The following PIK3CB variants were observed in gnomAD, a reference collection of about 807,000 sequenced individuals.
The protein encoded by PIK3CB is phosphatidylinositol-4,5-bisphosphate 3-kinase catalytic subunit beta, also known as phosphatidylinositol 4,5-bisphosphate 3-kinase catalytic subunit beta isoform.
PIK3CB carries 39 observed loss-of-function variants against 136.8 expected under a neutral mutation model. That is an observed-to-expected ratio of 0.29 (90% CI 0.22 to 0.37). PIK3CB has a LOEUF of 0.37. Among genes scored for constraint, PIK3CB ranks in the 10% least tolerant of loss-of-function variants. The pLI, the probability that PIK3CB is intolerant of heterozygous loss-of-function variation, is 1.00. For synonymous variants in PIK3CB, 428 were observed against 436.6 expected (o/e 0.98, Z 0.25); for missense variants, 868 against 1,275.4 (o/e 0.68, Z 4.87).
rs148664555 is a variant in PIK3CB at position 138,822,121 on chromosome 3, G to A, written c.-122+12574C>T. On this transcript the variant is annotated intron_variant, in intron 1 of 23. Coordinates refer to ENST00000674063, the MANE Select transcript of PIK3CB (RefSeq NM_006219.3). ...CCACTGCACTCCAGCCTGGGTGACA[G>A]AGCAAGACCCTGTCTCCAGAAAAAA... 2.0e-4 allele frequency among the ~76,000 whole-genome samples: 31 copies of A among 151,490 alleles called. No homozygotes were observed. In the East Asian group the frequency reaches 6.1e-3, roughly 30 times the overall value.
At chr3:138,803,551 T>G (rs2046199626) in intron 1 of PIK3CB, among the ~76,000 whole-genome samples, 1 of 152,176 alleles carries the variant, frequency 6.6e-6, no homozygotes, top group Non-Finnish European at 1.5e-5. Context: ...TCTAGATTGT[T>G]CATTAATTGG....
intron 2 of PIK3CB, among the ~76,000 whole-genome samples, chr3:138,767,807 C>G (rs534494202): frequency 6.6e-6 from 1 of 152,264 alleles, no homozygotes. Flanking sequence ...TGGTGGCACC[C>G]GGAAGCTTGG....
intron 4 of PIK3CB, among the ~76,000 whole-genome samples, chr3:138,752,761 C>A (rs1182470427): frequency 4.0e-5 from 6 of 151,334 alleles, no homozygotes; most frequent in African/African-American, 1.5e-4. Context: ...ATAGATTATA[C>A]CCCTATGCTA....
chr3:138,763,124 A>ATGTATGTATGTATGTATGTT (rs1559868749), intron 2 of PIK3CB, among the ~76,000 whole-genome samples: 2 of 143,502 alleles, frequency 1.4e-5, no homozygotes, highest in African/African-American at 5.9e-5. Context: ...GAAAGTTAGT[A>ATGTATGTATGTATGTATGTT]TGTATGTATG....
intron 2 of PIK3CB, among the ~76,000 whole-genome samples, chr3:138,786,283 A>G (rs545110883): frequency 6.6e-6 from 1 of 152,308 alleles, no homozygotes; most frequent in African/African-American, 2.4e-5. Context: ...ATATATAATA[A>G]TCTCCATTCA....
rs752680481 is a variant in PIK3CB at position 138,759,092 on chromosome 3, TA to T, written c.171+80del. On this transcript the variant is annotated intron_variant, in intron 3 of 23. Coordinates refer to ENST00000674063, the MANE Select transcript of PIK3CB (RefSeq NM_006219.3). The stretch of plus-strand genomic sequence containing the variant: ...TATCATTATCACATATAATTTACAT[TA>T]ACATTTTCTATTATAGAATGATATT... 121 of 868,546 alleles carry T rather than the reference TA, an allele frequency of 1.4e-4. 1 individual carries two copies. Among genetic ancestry groups the T allele is most frequent in the Non-Finnish European group, 2.0e-4 (119 of 586,238 alleles). 53.8% of individuals were successfully genotyped at this position (868,546 alleles called of 1,614,324 possible).
At chr3:138,656,991 C>T (rs1392610521) in intron 22 of PIK3CB, among the ~76,000 whole-genome samples, 2 of 152,160 alleles carry the variant, frequency 1.3e-5, no homozygotes, top group African/African-American at 4.8e-5. Context: ...TGGTCTCAAA[C>T]TCCGACCTCC....
intron 20 of PIK3CB, 128 bp from the exon 21 acceptor site, chr3:138,664,157 G>C: frequency 9.5e-7 from 1 of 1,051,158 alleles, no homozygotes; most frequent in South Asian, 1.5e-5. Flanking sequence ...AACCGTATGA[G>C]AGAACATGTG....
At chr3:138,669,489 G>T (rs4894323) in intron 19 of PIK3CB, among the ~76,000 whole-genome samples, 1 of 151,638 alleles carries the variant, frequency 6.6e-6, no homozygotes, top group African/African-American at 2.4e-5. Flanking sequence ...CTTAATGGAG[G>T]CAACTGTCAA....
rs113037969 is a variant in PIK3CB, at chr3:138,790,772, C to T, written c.-17+5691G>A. 7.0e-3 allele frequency among the ~76,000 whole-genome samples: 1,054 copies of T among 150,726 alleles called. 14 individuals carry two copies. Among genetic ancestry groups the T allele is most frequent in the African/African-American group, 0.025 (1,009 of 41,120 alleles). Reference sequence around the variant, plus strand: ...GAGCTTGCAGTGAGCCAAGATCGTGCCACTGTACTCCAGCCTAGGTGACGG... The same window carrying T: ...GAGCTTGCAGTGAGCCAAGATCGTGTCACTGTACTCCAGCCTAGGTGACGG... On this transcript the variant is annotated intron_variant, in intron 2 of 23. Transcript: ENST00000674063.
chr3:138,733,258 A>G, intron 8 of PIK3CB, 103 bp downstream of exon 8: 1 of 512,862 alleles, frequency 1.9e-6, no homozygotes, highest in Non-Finnish European at 3.6e-6. Context: ...GTAATTGATC[A>G]ATATGGGTAA....
intron 2 of PIK3CB, 26 bp downstream of exon 2, chr3:138,796,437 T>G (rs2046110098): frequency 6.8e-6 from 1 of 148,080 alleles, no homozygotes; most frequent in South Asian, 2.2e-4. Flanking sequence ...ATATAAGTAA[T>G]TAAAAATACA....
At chr3:138,745,921 T>C (rs779572635) in intron 4 of PIK3CB, among the ~76,000 whole-genome samples, 5 of 152,138 alleles carry the variant, frequency 3.3e-5, no homozygotes, top group African/African-American at 9.7e-5. Context: ...GCATTTTTTT[T>C]CTCCAGAATT....
chr3:138,742,833 A>G (rs754912529), intron 4 of PIK3CB, 52 bp from the exon 5 acceptor site: 1 of 999,744 alleles, frequency 1.0e-6, no homozygotes, highest in East Asian at 2.5e-5. Flanking sequence ...ATAATAAAAG[A>G]ATATAGAAAG....
chr3:138,757,478 AACACACACACACACACACAC>A (rs146470519), intron 3 of PIK3CB, among the ~76,000 whole-genome samples: 2 of 136,370 alleles, frequency 1.5e-5, no homozygotes, highest in South Asian at 4.7e-4. Context: ...GATACTATTA[AACACACACACACACACACAC>A]ACACACACAC....
chr3:138,784,004 T>C (rs559579820), intron 2 of PIK3CB, among the ~76,000 whole-genome samples: 88 of 152,314 alleles, frequency 5.8e-4, no homozygotes, highest in Middle Eastern at 3.4e-3. Flanking sequence ...TGCCATTTCA[T>C]AGATCGTTGC....
intron 10 of PIK3CB, among the ~76,000 whole-genome samples, chr3:138,711,799 G>A (rs1303026646): frequency 2.0e-5 from 3 of 151,846 alleles, no homozygotes; most frequent in African/African-American, 7.3e-5. Context: ...TTGGAAGTAT[G>A]TTTAAAATAC....
chr3:138,677,293 A>G (rs1440116640), intron 19 of PIK3CB, among the ~76,000 whole-genome samples: 1 of 152,124 alleles, frequency 6.6e-6, no homozygotes, highest in Non-Finnish European at 1.5e-5. Context: ...TACTGATCTC[A>G]GGTGATCCAC....
At chr3:138,669,947 G>T (rs1269833766) in intron 19 of PIK3CB, among the ~76,000 whole-genome samples, 3 of 151,986 alleles carry the variant, frequency 2.0e-5, no homozygotes, top group Non-Finnish European at 2.9e-5. Flanking sequence ...GTGAGAAAAA[G>T]GTACCAGTTT....
Sources: allele counts gnomAD v4.1 joint callset (sites outside exome capture counted in the v4.1 genomes callset), GRCh38; gene constraint gnomAD v4.1.1; transcripts MANE v1.5; gene names NCBI Gene and HGNC (gene_info 2026-07-23, HGNC 2026-07-21).